The following TRPM6 variants were observed in gnomAD, a reference collection of about 807,000 sequenced individuals.
The protein encoded by TRPM6 is transient receptor potential cation channel subfamily M member 6.
TRPM6 carries 111 observed loss-of-function variants against 247.6 expected under a neutral mutation model. The observed-to-expected ratio is 0.45, with a 90% CI of 0.38 to 0.52. TRPM6 has a LOEUF of 0.52. TRPM6 is among the 20% of genes least tolerant of loss of function. The pLI is 0.00. For synonymous variants in TRPM6, 892 were observed against 853.8 expected (o/e 1.04, Z -0.78); for missense variants, 2,126 against 2,421.5 (o/e 0.88, Z 2.56).
At chr9:74,838,415 G>A (rs568951958) in intron 5 of TRPM6, among the ~76,000 whole-genome samples, 75 of 152,242 alleles carry the variant, frequency 4.9e-4, no homozygotes, top group Non-Finnish European at 8.4e-4. Context: ...ACCTATTTGT[G>A]ATGGGCCAAA....
intron 37 of TRPM6, among the ~76,000 whole-genome samples, chr9:74,729,221 A>G (rs1305374176): frequency 6.6e-6 from 1 of 152,232 alleles, no homozygotes; most frequent in Non-Finnish European, 1.5e-5. Flanking sequence ...TTAAAATCTG[A>G]ACTCAATTAC....
chr9:74,850,562 A>G (rs1830269033), intron 3 of TRPM6, among the ~76,000 whole-genome samples: 1 of 152,022 alleles, frequency 6.6e-6, no homozygotes, highest in Admixed American at 6.6e-5. Context: ...TCCACTAAAA[A>G]TACAAAAATT....
intron 31 of TRPM6, among the ~76,000 whole-genome samples, chr9:74,744,781 A>G (rs1384334992): frequency 6.6e-6 from 1 of 152,200 alleles, no homozygotes; most frequent in African/African-American, 2.4e-5. Flanking sequence ...CTATTTCATA[A>G]AATCAAAATT....
chr9:74,752,276 C>A lies in TRPM6; in HGVS notation c.4998+1G>T. ...TTTTTTAACTCCTAAAATATTTTTA[C>A]CTCTTGAGACTGCTTTAGGTAATCA... On this transcript the variant is annotated splice_donor_variant, in intron 29 of 38. Transcript: ENST00000360774. LOFTEE classifies it high-confidence loss of function. 1 of 1,556,066 alleles carries A rather than the reference C, an allele frequency of 6.4e-7. No homozygotes were observed. The highest frequency in any genetic ancestry group is 8.8e-7 in the Non-Finnish European group (1 of 1,132,018).
intron 21 of TRPM6, 127 bp from the exon 22 acceptor site, chr9:74,782,980 C>T (rs904681115): frequency 1.1e-6 from 1 of 891,578 alleles, no homozygotes; most frequent in African/African-American, 1.6e-5. Context: ...CTAAAACACC[C>T]TTGTGCAGGA....
At chr9:74,836,952 C>T (rs950257810) in intron 5 of TRPM6, among the ~76,000 whole-genome samples, 8 of 152,270 alleles carry the variant, frequency 5.3e-5, no homozygotes, top group Admixed American at 2.6e-4. Flanking sequence ...AATTCATGTC[C>T]GTCTTCCTTG....
intron 36 of TRPM6, among the ~76,000 whole-genome samples, chr9:74,736,956 G>GT (rs371798390): frequency 1.3e-4 from 20 of 150,768 alleles, no homozygotes; most frequent in Middle Eastern, 3.4e-3. Flanking sequence ...TTCTTTCGTT[G>GT]TTTTTTTTTG....
In TRPM6 at chr9:74,794,845, A is replaced by T. The variant is rs533178734; in HGVS notation, c.2391+1896T>A. 1.6e-3 allele frequency among the ~76,000 whole-genome samples: 241 copies of T among 151,994 alleles called. 1 individual carries two copies. Among genetic ancestry groups the T allele is most frequent in the Admixed American group, 3.5e-3 (54 of 15,236 alleles). On this transcript the variant is annotated intron_variant, in intron 18 of 38. Transcript: ENST00000360774. ...ATGTGACTTGAATAACTTTTATTAT[A>T]TATATACAGCTCCCCTCACCCCCCA...
At chr9:74,774,073 GC>G (rs1221727528) in intron 24 of TRPM6, among the ~76,000 whole-genome samples, 1 of 152,150 alleles carries the variant, frequency 6.6e-6, no homozygotes, top group Non-Finnish European at 1.5e-5. Context: ...GTAATTGTCC[GC>G]AAGGTGGCAC....
intron 2 of TRPM6, 41 bp downstream of exon 2, chr9:74,858,628 T>C: frequency 7.9e-7 from 1 of 1,263,312 alleles, no homozygotes; most frequent in Non-Finnish European, 1.2e-6. Context: ...GTCCATCAGG[T>C]AGTGTTGCTT....
intron 28 of TRPM6, among the ~76,000 whole-genome samples, chr9:74,753,245 G>A (rs1045051168): frequency 6.6e-6 from 1 of 151,910 alleles, no homozygotes; most frequent in Non-Finnish European, 1.5e-5. Context: ...ACTACATATA[G>A]TAGATGCATA....
Position 74,724,540 on chromosome 9 carries a change from G to C in TRPM6, c.*73C>G. The C allele has an allele frequency of 6.2e-7, 1 of 1,606,980 alleles. No homozygotes were observed. Among genetic ancestry groups the C allele is most frequent in the Non-Finnish European group, 8.5e-7 (1 of 1,174,522 alleles). ...GAGACGCTGATGTAATCAACATCAC[G>C]TTGATCAATCTATGTTATCACAGAG... On this transcript the variant is annotated 3_prime_UTR_variant, in exon 39 of 39. Coordinates refer to ENST00000360774, the MANE Select transcript of TRPM6 (RefSeq NM_017662.5).
Position 74,800,342 on chromosome 9 carries a change from C to T in TRPM6, c.2150G>A (p.Arg717Gln), listed in dbSNP as rs775603665. ...CLKLAVSGGL[R>Q]PFVSHTCTQM... Reference sequence around the variant, plus strand: ...GGTACAAGTATGTGAAACAAAGGGTCGTAATCCTCCCGACACGGCCAGTTT... The same window carrying T: ...GGTACAAGTATGTGAAACAAAGGGTTGTAATCCTCCCGACACGGCCAGTTT... Residue 717 changes from arginine to glutamine, a missense_variant, in exon 17 of 39, where the codon CGA becomes CAA. Physicochemically the swap from Arg to Gln is conservative, Grantham distance 43. Transcript: ENST00000360774. 2.5e-6 allele frequency: 4 copies of T among 1,614,062 alleles called. No homozygotes were observed. Among genetic ancestry groups the T allele is most frequent in the South Asian group, 1.1e-5 (1 of 91,064 alleles).
chr9:74,883,550 G>A (rs1016166642), intron 1 of TRPM6, among the ~76,000 whole-genome samples: 12 of 152,178 alleles, frequency 7.9e-5, no homozygotes, highest in African/African-American at 2.9e-4. Flanking sequence ...GACTGATTGT[G>A]AAGAGAAAAT....
chr9:74,820,186 GTA>G, intron 9 of TRPM6, 116 bp downstream of exon 9: 2 of 1,163,452 alleles, frequency 1.7e-6, no homozygotes, highest in South Asian at 2.6e-5. Context: ...ACAGGCCCCT[GTA>G]TGTTGTTCCC....
intron 36 of TRPM6, chr9:74,737,369 G>T: frequency 7.8e-7 from 1 of 1,288,754 alleles, no homozygotes; most frequent in Non-Finnish European, 1.0e-6. Flanking sequence ...CATTGCTCAT[G>T]ATGCCCCAGG....
At chr9:74,818,197 C>T (rs1262824478) in intron 9 of TRPM6, among the ~76,000 whole-genome samples, 3 of 151,070 alleles carry the variant, frequency 2.0e-5, no homozygotes, top group African/African-American at 7.3e-5. Context: ...TTTACCTGTC[C>T]TTTTCTTAAC....
chr9:74,887,257 G>C (rs1831563867), intron 1 of TRPM6: 4 of 1,303,320 alleles, frequency 3.1e-6, no homozygotes, highest in African/African-American at 3.0e-5. Flanking sequence ...ATCGCTCCGG[G>C]ACTCCTGCAC....
chr9:74,804,959 A>T (rs868128401), intron 14 of TRPM6, among the ~76,000 whole-genome samples: 20 of 152,356 alleles, frequency 1.3e-4, no homozygotes, highest in Middle Eastern at 3.4e-3. Flanking sequence ...GAAAAATAAT[A>T]AAAATTTTGT....
Sources: gnomAD v4.1 joint callset for allele counts (sites outside exome capture counted in the v4.1 genomes callset) on GRCh38, gnomAD v4.1.1 for gene constraint, MANE v1.5 for transcripts, NCBI Gene and HGNC (gene_info 2026-07-23, HGNC 2026-07-21) for gene names.